The following CACNA2D1 variants were observed in gnomAD, a reference collection of about 807,000 sequenced individuals.
CACNA2D1 encodes voltage-dependent calcium channel subunit alpha-2/delta-1.
In CACNA2D1, 53 loss-of-function variants were observed where a neutral mutation model predicts 171.5. That is an observed-to-expected ratio of 0.31 (90% confidence interval 0.25 to 0.39). CACNA2D1 has a LOEUF of 0.39. Ranked by LOEUF, CACNA2D1 falls within the 10% of genes least tolerant of loss-of-function variation. The pLI is 1.00. For synonymous variants in CACNA2D1, 442 were observed against 443.1 expected, an observed-to-expected ratio of 1.00 and a Z score of 0.03; for missense variants, 903 against 1,299.8, an observed-to-expected ratio of 0.69 and a Z score of 4.69.
At chr7:82,401,630 G>A (rs563380819) in intron 1 of CACNA2D1, among the ~76,000 whole-genome samples, 22 of 151,504 alleles carry the variant, frequency 1.5e-4, no homozygotes, top group Admixed American at 8.6e-4. Context: ...TGGGTGCAGC[G>A]CACCAGCGTG....
At chr7:82,427,820 ATT>A (rs1829322545) in intron 1 of CACNA2D1, among the ~76,000 whole-genome samples, 1 of 152,238 alleles carries the variant, frequency 6.6e-6, no homozygotes, top group Non-Finnish European at 1.5e-5. Context: ...GTTATGAACC[ATT>A]TTGAGGAGAA....
Position 81,964,110 on chromosome 7 carries a change from T to TATAAA in CACNA2D1, c.2728-7_2728-3dup. On this transcript the variant is annotated splice_region_variant and splice_polypyrimidine_tract_variant and intron_variant, in intron 33 of 38. Transcript: ENST00000356860. ...TTGTAATATGTCTGCTACTGATGGC[T>TATAAA]ATAAAATAAAATAATAAGGTCATTT... The TATAAA allele has an allele frequency of 2.5e-6, 4 of 1,612,106 alleles. No individual in the cohort carries two copies. The highest frequency in any genetic ancestry group is 3.4e-6 in the Non-Finnish European group (4 of 1,178,776).
In CACNA2D1 at chr7:82,013,482, A is replaced by G; in HGVS notation, c.1251T>C (p.Gly417=). The change falls in exon 14 of 39, where the codon GGT becomes GGC. Residue 417 remains glycine, a synonymous_variant. Transcript: ENST00000356860. ...ATACCTGAGTATTGATTCTTATTGC[A>G]CCAATGGAAGGAATTTCATAATAAT... The part of the protein sequence containing the change: ...KGYYYEIPSI[G]AIRINTQEYL... 1 of 1,092,232 alleles carries G rather than the reference A, an allele frequency of 9.2e-7. No individual in the cohort carries two copies. The highest frequency in any genetic ancestry group is 1.3e-6 in the Non-Finnish European group (1 of 783,074). 67.7% of individuals were successfully genotyped at this position (1,092,232 alleles called of 1,614,324 possible).
intron 4 of CACNA2D1, among the ~76,000 whole-genome samples, chr7:82,139,781 CTTT>C (rs142894019): frequency 1.4e-5 from 2 of 142,898 alleles, no homozygotes; most frequent in East Asian, 2.0e-4. Context: ...TTGACATTTC[CTTT>C]TTTTTTTTTT....
chr7:81,998,373 C>G (rs1584346218), intron 18 of CACNA2D1, among the ~76,000 whole-genome samples: 1 of 151,972 alleles, frequency 6.6e-6, no homozygotes, highest in East Asian at 1.9e-4. Flanking sequence ...CTCACAGACT[C>G]TTTCAAAAGA....
intron 6 of CACNA2D1, among the ~76,000 whole-genome samples, chr7:82,107,624 C>T (rs914979383): frequency 6.2e-5 from 9 of 145,418 alleles, no homozygotes; most frequent in Non-Finnish European, 1.3e-4. Context: ...CGCTCTGTCA[C>T]CCAGGCTGGA....
intron 10 of CACNA2D1, among the ~76,000 whole-genome samples, chr7:82,038,759 G>A (rs968144741): frequency 2.0e-5 from 3 of 152,154 alleles, no homozygotes; most frequent in African/African-American, 7.2e-5. Context: ...TCTGAATCAA[G>A]AACAACTGGT....
At position 82,038,138 on chromosome 7, in the gene CACNA2D1, G is replaced by T. The variant is rs749857450; in HGVS notation, c.977C>A (p.Thr326Lys). 1 of 1,613,728 alleles carries T rather than the reference G, an allele frequency of 6.2e-7. No individual in the cohort carries two copies. Among genetic ancestry groups the T allele is most frequent in the East Asian group, 2.2e-5 (1 of 44,830 alleles). The change falls in exon 11 of 39, where the codon ACA (threonine) becomes AAA (lysine). Residue 326 changes from threonine (T) to lysine (K), a missense_variant. This residue lies in a region of CACNA2D1 where 623 missense variants were observed against 925.5 expected (regional missense o/e 0.67). Transcript: ENST00000356860. ...CTTATAATCTGTAATTCCTTTGGCTGTGATATTATTCACCGCGTCTTTCAA... is the reference window on the plus strand; with the variant it reads ...CTTATAATCTGTAATTCCTTTGGCTTTGATATTATTCACCGCGTCTTTCAA... Reference protein sequence around the residue: ...KVLKDAVNNITAKGITDYKKG... With the variant: ...KVLKDAVNNIKAKGITDYKKG...
intron 1 of CACNA2D1, among the ~76,000 whole-genome samples, chr7:82,419,087 G>T (rs559848293): frequency 6.6e-6 from 1 of 150,656 alleles, no homozygotes; most frequent in Non-Finnish European, 1.5e-5. Flanking sequence ...TCCAACCAGG[G>T]TGACAGAGCA....
At chr7:82,159,113 T>C (rs1794674183) in intron 4 of CACNA2D1, among the ~76,000 whole-genome samples, 1 of 151,956 alleles carries the variant, frequency 6.6e-6, no homozygotes, top group Non-Finnish European at 1.5e-5. Context: ...GCATATATTT[T>C]CAGGAACACT....
intron 10 of CACNA2D1, among the ~76,000 whole-genome samples, chr7:82,055,868 C>A (rs1423734758): frequency 2.1e-5 from 3 of 146,058 alleles, no homozygotes; most frequent in Admixed American, 2.1e-4. Flanking sequence ...ACATATGTAA[C>A]AAACCTGCAC....
intron 5 of CACNA2D1, among the ~76,000 whole-genome samples, chr7:82,129,405 A>G (rs1482448301): frequency 6.6e-6 from 1 of 152,174 alleles, no homozygotes; most frequent in African/African-American, 2.4e-5. Context: ...GAATACACCT[A>G]TGAATTCTGA....
chr7:82,285,864 C>A (rs1307036695), intron 3 of CACNA2D1, among the ~76,000 whole-genome samples: 2 of 152,114 alleles, frequency 1.3e-5, no homozygotes, highest in African/African-American at 4.8e-5. Flanking sequence ...ACTGGCACAG[C>A]TGATAAAATA....
chr7:82,175,408 T>C (rs1796456629), intron 3 of CACNA2D1, among the ~76,000 whole-genome samples: 1 of 152,082 alleles, frequency 6.6e-6, no homozygotes, highest in Non-Finnish European at 1.5e-5. Flanking sequence ...GTGATTAATC[T>C]TCAAACAGTT....
chr7:82,351,827 T>C (rs1052625436), intron 1 of CACNA2D1, among the ~76,000 whole-genome samples: 1 of 152,156 alleles, frequency 6.6e-6, no homozygotes, highest in East Asian at 1.9e-4. Context: ...CTAATTTAGA[T>C]GAGACTATCT....
Position 82,007,261 on chromosome 7 carries a change from G to A in CACNA2D1, c.1440+418C>T, listed in dbSNP as rs535142996. Among the ~76,000 whole-genome samples the A allele has an allele frequency of 4.6e-5, 7 of 152,184 alleles. No homozygotes were observed. In the South Asian group the frequency reaches 1.5e-3, roughly 32 times the overall value. The stretch of plus-strand genomic sequence containing the variant: ...ATAATTTTTAAAAAGCTATTGTTTG[G>A]GAGTTGGGGAGGAATGATTTAATAT... On this transcript the variant is annotated intron_variant, in intron 16 of 38. Transcript: ENST00000356860.
intron 1 of CACNA2D1, among the ~76,000 whole-genome samples, chr7:82,381,823 T>C (rs1823746482): frequency 6.6e-6 from 1 of 152,214 alleles, no homozygotes; most frequent in African/African-American, 2.4e-5. Flanking sequence ...TTAATAGCTA[T>C]GTAACATCCA....
At chr7:82,275,232 G>A (rs923869219) in intron 3 of CACNA2D1, among the ~76,000 whole-genome samples, 1 of 152,036 alleles carries the variant, frequency 6.6e-6, no homozygotes, top group East Asian at 1.9e-4. Flanking sequence ...CAAGATCCTT[G>A]CCTCTGTCAT....
chr7:81,983,488 G>GA (rs1031479125), intron 22 of CACNA2D1, among the ~76,000 whole-genome samples, 154 bp from the exon 23 acceptor site: 8 of 151,742 alleles, frequency 5.3e-5, no homozygotes, highest in African/African-American at 9.7e-5. Flanking sequence ...GTAGTCTGAG[G>GA]AAAAAAAAGA....
Sources: allele counts gnomAD v4.1 joint callset (sites outside exome capture counted in the v4.1 genomes callset), GRCh38; gene constraint gnomAD v4.1.1; regional missense constraint gnomAD v4.1.1; transcripts MANE v1.5; gene names NCBI Gene and HGNC (gene_info 2026-07-23, HGNC 2026-07-21).